LRRC49: variants seen among roughly 807,000 people sequenced by gnomAD.
LRRC49 encodes the protein leucine-rich repeat-containing protein 49.
Under a neutral mutation model 83.3 loss-of-function variants are expected in LRRC49, and 50 were observed. That is an observed-to-expected ratio of 0.60 (90% CI 0.48 to 0.76). LRRC49 has a LOEUF of 0.76. Among genes scored for constraint, LRRC49 ranks in the 30% least tolerant of loss-of-function variants. The pLI is 0.00. For synonymous variants in LRRC49, 286 were observed against 283.3 expected, an observed-to-expected ratio of 1.01 and a Z score of -0.10; for missense variants, 704 against 809.1, an observed-to-expected ratio of 0.87 and a Z score of 1.58.
chr15:70,992,706 T>C (rs918145471), intron 11 of LRRC49, among the ~76,000 whole-genome samples: 5 of 152,222 alleles, frequency 3.3e-5, no homozygotes, highest in Non-Finnish European at 7.3e-5. Flanking sequence ...CGAATATTGC[T>C]CAACAGAAAA....
Position 70,984,185 on chromosome 15 carries a change from A to C in LRRC49, c.1097A>C (p.Lys366Thr). 1 of 1,613,538 alleles carries C rather than the reference A, an allele frequency of 6.2e-7. No homozygotes were observed. Among genetic ancestry groups the C allele is most frequent in the East Asian group, 2.2e-5 (1 of 44,836 alleles). The change falls in exon 11 of 16, where the codon AAA becomes ACA. Residue 366 changes from lysine (K) to threonine (T), a missense_variant. Physicochemically the swap from Lys to Thr is moderately conservative, Grantham distance 78. Around this residue, in one of 3 missense-constraint regions of LRRC49, gnomAD observed 168 missense variants for 140.6 expected, o/e 1.20. Transcript: ENST00000260382. ...AATATTGCTACAAATGAAGATAGAA[A>C]AGATTCTGACTCTCCTCAGGACCCC... ...VANIATNEDR[K>T]DSDSPQDPCQ...
intron 11 of LRRC49, among the ~76,000 whole-genome samples, chr15:71,006,426 C>T (rs1292938835): frequency 6.6e-6 from 1 of 152,056 alleles, no homozygotes; most frequent in African/African-American, 2.4e-5. Flanking sequence ...TTACATTAAA[C>T]TTTTTTGCTG....
At chr15:71,038,171 T>G (rs914064133) in intron 15 of LRRC49, among the ~76,000 whole-genome samples, 9 of 152,178 alleles carry the variant, frequency 5.9e-5, no homozygotes, top group African/African-American at 2.2e-4. Context: ...ATAGATCCCC[T>G]CACACAGGTT....
chr15:70,879,604 G>A (rs922381254), intron 2 of LRRC49, among the ~76,000 whole-genome samples: 1 of 152,150 alleles, frequency 6.6e-6, no homozygotes, highest in African/African-American at 2.4e-5. Context: ...CACAGGCATA[G>A]CTCATGATTA....
upstream of LRRC49, among the ~76,000 whole-genome samples, chr15:70,891,119 G>A (rs141399192): frequency 6.6e-6 from 1 of 152,300 alleles, no homozygotes; most frequent in Non-Finnish European, 1.5e-5. Context: ...CTGTGTAATG[G>A]TGGCAAGGCT....
intron 9 of LRRC49, 65 bp downstream of exon 9, chr15:70,963,997 C>T (rs1343868123): frequency 6.1e-6 from 9 of 1,478,700 alleles, no homozygotes; most frequent in Non-Finnish European, 7.4e-6. Context: ...AATTGGGATG[C>T]ATATTCTTTG....
rs138079634 is a variant in LRRC49, at chr15:70,904,784, C to T, written c.500+29C>T. The T allele has an allele frequency of 5.7e-4, 860 of 1,510,192 alleles. 8 individuals carry two copies. In the East Asian group the frequency reaches 0.018, roughly 32 times the overall value. 93.5% of individuals were successfully genotyped at this position (1,510,192 alleles called of 1,614,324 possible). ...TTCTTTGTAGAGCAGTTTTTGTAGC[C>T]TAATGTTATGTGTAGGATTAATGTG... is the stretch of plus-strand genomic sequence containing the variant. On this transcript the variant is annotated intron_variant, in intron 5 of 15. Coordinates refer to ENST00000260382, the MANE Select transcript of LRRC49 (RefSeq NM_017691.5).
At chr15:70,978,664 C>A (rs1259316992) in intron 9 of LRRC49, among the ~76,000 whole-genome samples, 1 of 152,090 alleles carries the variant, frequency 6.6e-6, no homozygotes, top group Non-Finnish European at 1.5e-5. Context: ...AATATGTCTA[C>A]CATTTGATAC....
At chr15:70,854,041 C>T in intron 1 of LRRC49, 1 of 1,440,764 alleles carries the variant, frequency 6.9e-7, no homozygotes, top group Non-Finnish European at 9.2e-7. Flanking sequence ...CGCGGATCTG[C>T]ACCGCCGTCT....
Position 70,984,207 on chromosome 15 carries a change from C to A in LRRC49, c.1119C>A (p.Asp373Glu), listed in dbSNP as rs923555936. 1 of 1,613,136 alleles carries A rather than the reference C, an allele frequency of 6.2e-7. No individual in the cohort carries two copies. Among genetic ancestry groups the A allele is most frequent in the Non-Finnish European group, 8.5e-7 (1 of 1,179,364 alleles). ...GAAAAGATTCTGACTCTCCTCAGGA[C>A]CCCTGTCAGATTGATGGAAGCACCC... ...EDRKDSDSPQ[D>E]PCQIDGSTLS... Residue 373 changes from aspartate (D) to glutamate (E), a missense_variant, in exon 11 of 16, where the codon GAC (aspartate) becomes GAA (glutamate). Coordinates refer to ENST00000260382, the MANE Select transcript of LRRC49 (RefSeq NM_017691.5).
At chr15:70,891,966 C>A (rs201847904), upstream of LRRC49, 5 of 1,613,498 alleles carry the variant, frequency 3.1e-6, no homozygotes, top group Non-Finnish European at 4.2e-6. Flanking sequence ...GCTTGGTCTC[C>A]CTCCTCTCCC....
At chr15:70,999,504 T>C (rs2038187902) in intron 11 of LRRC49, among the ~76,000 whole-genome samples, 1 of 152,182 alleles carries the variant, frequency 6.6e-6, no homozygotes, top group African/African-American at 2.4e-5. Flanking sequence ...TCTCCCAGAC[T>C]CTATCGATTG....
intron 4 of LRRC49, 71 bp from the exon 5 acceptor site, chr15:70,904,481 A>G (rs1399865349): frequency 2.0e-6 from 2 of 1,017,638 alleles, no homozygotes; most frequent in Admixed American, 2.0e-5. Context: ...CAAAGATACT[A>G]CTAATAATAT....
At chr15:70,915,628 A>G (rs1316136962) in intron 6 of LRRC49, among the ~76,000 whole-genome samples, 3 of 152,150 alleles carry the variant, frequency 2.0e-5, no homozygotes, top group African/African-American at 4.8e-5. Flanking sequence ...ATTACTGATT[A>G]CTTTTTCTAC....
intron 2 of LRRC49, among the ~76,000 whole-genome samples, chr15:70,873,415 A>G (rs552009423): frequency 6.6e-6 from 1 of 152,322 alleles, no homozygotes; most frequent in Non-Finnish European, 1.5e-5. Context: ...CTTTACCACT[A>G]GTGTATCAGG....
intron 4 of LRRC49, among the ~76,000 whole-genome samples, chr15:70,903,973 T>G (rs983659241): frequency 1.3e-5 from 2 of 152,190 alleles, no homozygotes; most frequent in African/African-American, 4.8e-5. Context: ...TCTTAGTTTC[T>G]AAGGAAATGT....
At chr15:71,023,947 G>A (rs1234927948) in intron 14 of LRRC49, among the ~76,000 whole-genome samples, 2 of 152,182 alleles carry the variant, frequency 1.3e-5, no homozygotes, top group Non-Finnish European at 2.9e-5. Flanking sequence ...CCCAGGGGAG[G>A]GGCAGATGCC....
chr15:70,982,372 G>A (rs1160266102), intron 10 of LRRC49, among the ~76,000 whole-genome samples: 1 of 152,024 alleles, frequency 6.6e-6, no homozygotes, highest in Non-Finnish European at 1.5e-5. Flanking sequence ...ATTACAAATT[G>A]GGTTGGCATA....
intron 2 of LRRC49, among the ~76,000 whole-genome samples, chr15:70,874,387 A>T (rs1199951751): frequency 6.6e-6 from 1 of 152,220 alleles, no homozygotes; most frequent in East Asian, 1.9e-4. Context: ...ACTGGGATCA[A>T]GAAAAGGAAG....
Sources: gnomAD v4.1 joint callset for allele counts (sites outside exome capture counted in the v4.1 genomes callset) on GRCh38, gnomAD v4.1.1 for gene constraint, gnomAD v4.1.1 regional missense constraint, MANE v1.5 for transcripts, NCBI Gene and HGNC (gene_info 2026-07-23, HGNC 2026-07-21) for gene names.